The following SAMD12 variants were observed in gnomAD, a reference collection of about 807,000 sequenced individuals.
The protein encoded by SAMD12 is sterile alpha motif domain containing 12.
Under a neutral mutation model 15.0 loss-of-function variants are expected in SAMD12, and 9 were observed. The observed-to-expected ratio is 0.60, with a 90% CI of 0.36 to 1.05. The LOEUF is 1.05. SAMD12 is among the 50% of genes least tolerant of loss of function. The probability of loss-of-function intolerance (pLI) is 0.01; values close to 1 mark genes in which losing one functional copy is unlikely to be tolerated. For synonymous variants in SAMD12, 86 were observed against 90.1 expected (o/e 0.96, Z 0.25); for missense variants, 230 against 234.2 (o/e 0.98, Z 0.12).
intron 2 of SAMD12, among the ~76,000 whole-genome samples, chr8:118,504,005 C>G (rs1824856488): frequency 6.6e-6 from 1 of 152,112 alleles, no homozygotes; most frequent in Admixed American, 6.5e-5. Flanking sequence ...TTAACCGCCC[C>G]CTAGTAATAG....
intron 4 of SAMD12, among the ~76,000 whole-genome samples, chr8:118,228,151 C>A (rs552515629): frequency 6.6e-6 from 1 of 152,304 alleles, no homozygotes; most frequent in Non-Finnish European, 1.5e-5. Flanking sequence ...GGATTAAAGA[C>A]TTAAACCTAA....
At chr8:118,473,696 T>C (rs973153427) in intron 2 of SAMD12, among the ~76,000 whole-genome samples, 1 of 152,286 alleles carries the variant, frequency 6.6e-6, no homozygotes, top group Admixed American at 6.5e-5. Flanking sequence ...ATCATGCACC[T>C]TCACGCACAG....
chr8:118,362,192 T>C (rs1470796050), intron 4 of SAMD12, among the ~76,000 whole-genome samples: 1 of 152,058 alleles, frequency 6.6e-6, no homozygotes, highest in Non-Finnish European at 1.5e-5. Context: ...ATATTTAAAA[T>C]TTCAAAAATA....
intron 2 of SAMD12, among the ~76,000 whole-genome samples, chr8:118,559,682 T>G (rs566481358): frequency 1.3e-5 from 2 of 152,320 alleles, no homozygotes; most frequent in East Asian, 1.9e-4. Context: ...TTGCTGTAAT[T>G]AAAAACATTC....
At chr8:118,479,752 A>C (rs1586750972) in intron 2 of SAMD12, among the ~76,000 whole-genome samples, 1 of 146,954 alleles carries the variant, frequency 6.8e-6, no homozygotes. Context: ...TCCTTCCCTT[A>C]CTCTTTCCCT....
At chr8:118,551,801 G>C (rs1490239426) in intron 2 of SAMD12, among the ~76,000 whole-genome samples, 1 of 151,992 alleles carries the variant, frequency 6.6e-6, no homozygotes, top group African/African-American at 2.4e-5. Flanking sequence ...AAGAAAAAAA[G>C]AGAGAAGAAT....
At chr8:118,540,699 A>C (rs1401919916) in intron 2 of SAMD12, among the ~76,000 whole-genome samples, 14 of 122,464 alleles carry the variant, frequency 1.1e-4, no homozygotes, top group Non-Finnish European at 2.3e-4. Flanking sequence ...GCAACTGGCC[A>C]TAAAAAAAAA....
At chr8:118,462,269 T>G (rs1349637389) in intron 2 of SAMD12, among the ~76,000 whole-genome samples, 1 of 152,242 alleles carries the variant, frequency 6.6e-6, no homozygotes, top group Non-Finnish European at 1.5e-5. Flanking sequence ...CTTCTTTTCC[T>G]GCACAAAGTA....
At chr8:118,440,982 C>T (rs1822741979) in intron 2 of SAMD12, among the ~76,000 whole-genome samples, 2 of 152,030 alleles carry the variant, frequency 1.3e-5, no homozygotes, top group African/African-American at 4.8e-5. Context: ...AAGGACGTGG[C>T]CATTATTATC....
intron 3 of SAMD12, among the ~76,000 whole-genome samples, chr8:118,391,128 CA>C (rs1182928768): frequency 3.3e-5 from 5 of 152,034 alleles, no homozygotes; most frequent in African/African-American, 9.7e-5. Flanking sequence ...AAATCCCATC[CA>C]AAAAATTAAT....
downstream of SAMD12, among the ~76,000 whole-genome samples, chr8:118,377,029 T>C (rs1819423606): frequency 6.8e-6 from 1 of 148,006 alleles, no homozygotes; most frequent in Admixed American, 6.9e-5. Flanking sequence ...TTTTGTTTCC[T>C]TTTTTTTTTA....
At chr8:118,553,485 A>G (rs1826416196) in intron 2 of SAMD12, among the ~76,000 whole-genome samples, 2 of 152,238 alleles carry the variant, frequency 1.3e-5, no homozygotes, top group Non-Finnish European at 2.9e-5. Context: ...CCATATGTAG[A>G]AAGCTGAAAC....
chr8:118,471,352 C>A (rs1301111617), intron 2 of SAMD12, among the ~76,000 whole-genome samples: 4 of 152,106 alleles, frequency 2.6e-5, no homozygotes, highest in African/African-American at 9.7e-5. Flanking sequence ...TAGCAGTCAC[C>A]ATTATTTGGT....
intron 2 of SAMD12, among the ~76,000 whole-genome samples, chr8:118,443,579 T>C (rs1434854692): frequency 1.3e-5 from 2 of 152,206 alleles, no homozygotes; most frequent in African/African-American, 4.8e-5. Flanking sequence ...GTTTGTCTCT[T>C]CTTAATCAGA....
At chr8:118,134,253 C>T in the SAMD12 span, among the ~76,000 whole-genome samples, 6 of 152,200 alleles carry the variant, frequency 3.9e-5, no homozygotes, top group South Asian at 2.1e-4. Context: ...TTGGATAACA[C>T]GCCTGGGAAA....
chr8:118,231,212 A>G (rs4612368), intron 4 of SAMD12, among the ~76,000 whole-genome samples: 7,728 of 152,236 alleles, frequency 0.051, 446 homozygotes, highest in East Asian at 0.15. Flanking sequence ...ACTCTGTGCT[A>G]CAGCAGGGAG....
At chr8:118,514,448 T>G (rs1025460283) in intron 2 of SAMD12, among the ~76,000 whole-genome samples, 1 of 152,206 alleles carries the variant, frequency 6.6e-6, no homozygotes, top group Non-Finnish European at 1.5e-5. Flanking sequence ...TTGAGCACTA[T>G]CTGTAAGTCA....
At chr8:118,547,004 G>A (rs558976015) in intron 2 of SAMD12, among the ~76,000 whole-genome samples, 1 of 152,252 alleles carries the variant, frequency 6.6e-6, no homozygotes, top group East Asian at 1.9e-4. Flanking sequence ...AAGCCATACT[G>A]AAAAAGAATG....
At chr8:118,196,589 A>T (rs1331633158) in exon 5 of SAMD12, 1 of 152,136 alleles carries the variant, frequency 6.6e-6, no homozygotes, top group Non-Finnish European at 1.5e-5. Flanking sequence ...AACCTAGTAT[A>T]GGACTTGACC....
Sources: gnomAD v4.1 joint callset for allele counts (sites outside exome capture counted in the v4.1 genomes callset) on GRCh38, gnomAD v4.1.1 for gene constraint, MANE v1.5 for transcripts, NCBI Gene and HGNC (gene_info 2026-07-23, HGNC 2026-07-21) for gene names.